Variants in PCCB observed in about 807,000 individuals in gnomAD.
PCCB encodes propionyl-CoA carboxylase subunit beta.
In PCCB, 43 loss-of-function variants were observed where a neutral mutation model predicts 60.7. The observed-to-expected ratio is 0.71, with a 90% CI of 0.55 to 0.91. The LOEUF (loss-of-function observed/expected upper bound fraction) is 0.91. Among genes scored for constraint, PCCB ranks in the 40% least tolerant of loss-of-function variants. The pLI is 0.00. For synonymous variants in PCCB, 276 were observed against 255.9 expected (o/e 1.08, Z -0.75); for missense variants, 766 against 702.8 (o/e 1.09, Z -1.02).
chr3:136,302,593 T>A (rs1412634108), intron 9 of PCCB, among the ~76,000 whole-genome samples: 3 of 118,940 alleles, frequency 2.5e-5, no homozygotes, highest in African/African-American at 7.6e-5. Flanking sequence ...CTTTAAGTTT[T>A]AGGGTACATG....
At chr3:136,285,649 A>G (rs1025487338) in intron 6 of PCCB, among the ~76,000 whole-genome samples, 1 of 151,832 alleles carries the variant, frequency 6.6e-6, no homozygotes, top group African/African-American at 2.4e-5. Context: ...GGCTTCCATT[A>G]TACCATACTC....
rs762354873 is a variant in PCCB, at chr3:136,283,886, G to A, written c.593G>A (p.Gly198Asp). ...GVIPQISLIM[G>D]PCAGGAVYSP... ...ATCCCTCAGATTTCTCTGATCATGGGCCCATGTGCTGGTGGGGCCGTCTAC... is the reference window on the plus strand; with the variant it reads ...ATCCCTCAGATTTCTCTGATCATGGACCCATGTGCTGGTGGGGCCGTCTAC... Residue 198 changes from glycine to aspartate, a missense_variant, in exon 6 of 15, where the codon GGC (glycine) becomes GAC (aspartate). Gly to Asp is a moderately conservative substitution (Grantham distance 94, BLOSUM62 -1). Transcript: ENST00000251654. 6.2e-7 allele frequency: 1 copy of A among 1,613,908 alleles called. No homozygotes were observed. Among genetic ancestry groups the A allele is most frequent in the Non-Finnish European group, 8.5e-7 (1 of 1,179,838 alleles).
chr3:136,253,585 A>G lies in PCCB; in HGVS notation c.184-2271A>G, dbSNP rs147219472. Among the ~76,000 whole-genome samples, 102 of 150,676 alleles carry G rather than the reference A, an allele frequency of 6.8e-4. No individual in the cohort carries two copies. In the East Asian group the frequency reaches 0.019, roughly 28 times the overall value. On this transcript the variant is annotated intron_variant, in intron 1 of 14. Transcript: ENST00000251654. ...TTTTTAGTAGAGACGGGGTTTCACCATGTTGAGCAGGCTGGTCTCTAACTT... is the reference window on the plus strand; with the variant it reads ...TTTTTAGTAGAGACGGGGTTTCACCGTGTTGAGCAGGCTGGTCTCTAACTT...
chr3:136,324,576 A>G (rs937361727), intron 10 of PCCB, among the ~76,000 whole-genome samples: 2 of 151,882 alleles, frequency 1.3e-5, no homozygotes, highest in Admixed American at 6.6e-5. Context: ...TGAATGCACT[A>G]ATTTCCTAAA....
intron 5 of PCCB, among the ~76,000 whole-genome samples, chr3:136,280,181 G>A (rs1942439897): frequency 6.6e-6 from 1 of 151,994 alleles, no homozygotes; most frequent in African/African-American, 2.4e-5. Context: ...ATATCCTTTT[G>A]TTTCAGACTA....
rs71157366 is a variant in PCCB, at chr3:136,264,448, G to GTA, written c.543+2395_543+2396dup. ...CATATATATGTGTGTGTGTATATAT[G>GTA]TATATATATATATGTTCCTCCTGGC... On this transcript the variant is annotated intron_variant, in intron 5 of 14. Transcript: ENST00000251654. 8.0e-3 allele frequency among the ~76,000 whole-genome samples: 863 copies of GTA among 107,274 alleles called. 44 individuals carry two copies. Among genetic ancestry groups the GTA allele is most frequent in the African/African-American group, 0.023 (776 of 33,226 alleles). 70.4% of individuals were successfully genotyped at this position (107,274 alleles called of 152,430 possible).
rs1049840486 is a variant in PCCB at position 136,302,372 on chromosome 3, A to G, written c.966+1261A>G. ...TCCATCAGACAGATTCTGCCAGGCA[A>G]TTGTTGCCTGGGTGGGGAGACAGAT... On this transcript the variant is annotated intron_variant, in intron 9 of 14. Coordinates refer to ENST00000251654, the MANE Select transcript of PCCB (RefSeq NM_000532.5). 6.6e-5 allele frequency among the ~76,000 whole-genome samples: 8 copies of G among 120,678 alleles called. 1 individual carries two copies. The highest frequency in any genetic ancestry group is 1.8e-5 in the Non-Finnish European group (1 of 54,188). 79.2% of individuals were successfully genotyped at this position (120,678 alleles called of 152,430 possible).
chr3:136,259,813 A>T (rs113629197), intron 3 of PCCB, among the ~76,000 whole-genome samples: 1,747 of 152,040 alleles, frequency 0.011, 31 homozygotes, highest in East Asian at 0.045. Context: ...AGTGCACTGG[A>T]GCAATCTCTG....
At chr3:136,255,062 G>T (rs997444326) in intron 1 of PCCB, among the ~76,000 whole-genome samples, 9 of 151,880 alleles carry the variant, frequency 5.9e-5, no homozygotes, top group Admixed American at 1.3e-4. Context: ...CTTTAATAGA[G>T]ATGGGGTTTC....
chr3:136,250,452 G>C lies in PCCB; in HGVS notation c.77G>C (p.Arg26Pro). Residue 26 changes from arginine (R) to proline (P), a missense_variant, in exon 1 of 15, where the codon CGC becomes CCC. Coordinates refer to ENST00000251654, the MANE Select transcript of PCCB (RefSeq NM_000532.5). ...VLASGLRAAV[R>P]SLCSQATSVN... is the part of the protein sequence containing the mutation. ...GCGAGCGGTCTCCGCGCCGCGGTCC[G>C]CAGCCTTTGCAGCCAGGCCACCTCT... 1 of 1,605,602 alleles carries C rather than the reference G, an allele frequency of 6.2e-7. No individual in the cohort carries two copies. Among genetic ancestry groups the C allele is most frequent in the Non-Finnish European group, 8.5e-7 (1 of 1,176,252 alleles).
chr3:136,294,139 T>C (rs1213304824), intron 7 of PCCB, among the ~76,000 whole-genome samples: 1 of 152,172 alleles, frequency 6.6e-6, no homozygotes, highest in East Asian at 1.9e-4. Flanking sequence ...ATGGTGATTA[T>C]AAGTAGGTAT....
At position 136,316,450 on chromosome 3, in the gene PCCB, G is replaced by A. The variant is rs557305352; in HGVS notation, c.967-491G>A. ...CTGCCTCAGTCTCCTGAGTAGCTGGGATTACAGGTGCCTGCCACCACACCA... is the reference window on the plus strand; with the variant it reads ...CTGCCTCAGTCTCCTGAGTAGCTGGAATTACAGGTGCCTGCCACCACACCA... On this transcript the variant is annotated intron_variant, in intron 9 of 14. Coordinates refer to ENST00000251654, the MANE Select transcript of PCCB (RefSeq NM_000532.5). Among the ~76,000 whole-genome samples the A allele has an allele frequency of 2.6e-5, 4 of 152,064 alleles. No homozygotes were observed. In the East Asian group the frequency reaches 7.7e-4, roughly 29 times the overall value.
At chr3:136,290,918 T>C (rs1402447704) in intron 6 of PCCB, among the ~76,000 whole-genome samples, 1 of 152,056 alleles carries the variant, frequency 6.6e-6, no homozygotes, top group Non-Finnish European at 1.5e-5. Context: ...TTCTCTTCGC[T>C]TTTCAATTTG....
chr3:136,301,264 G>A (rs1016030590), intron 9 of PCCB, among the ~76,000 whole-genome samples, 153 bp downstream of exon 9: 2 of 152,320 alleles, frequency 1.3e-5, no homozygotes, highest in Middle Eastern at 3.4e-3. Flanking sequence ...TGGCCACTGA[G>A]TAGTGTGTTC....
At chr3:136,284,758 G>A (rs1278643717) in intron 6 of PCCB, among the ~76,000 whole-genome samples, 1 of 152,130 alleles carries the variant, frequency 6.6e-6, no homozygotes. Flanking sequence ...CGAAAGTAGT[G>A]TAAGTGTTCA....
Position 136,250,536 on chromosome 3 carries a change from G to A in PCCB, c.161G>A (p.Arg54His), listed in dbSNP as rs1328595594. The A allele has an allele frequency of 1.2e-6, 2 of 1,612,594 alleles. No individual in the cohort carries two copies. The highest frequency in any genetic ancestry group is 2.7e-5 in the African/African-American group (2 of 75,048). The part of the protein sequence containing the change: ...RTALLGGGQR[R>H]IDAQHKRGKL... ...GCGCTGCTGGGAGGGGGCCAACGCC[G>A]TATTGACGCGCAGCACAAGCGAGTG... The change falls in exon 1 of 15, where the codon CGT becomes CAT. Residue 54 changes from arginine (R) to histidine (H), a missense_variant. Transcript: ENST00000251654.
At chr3:136,288,983 G>T (rs1933551569) in intron 6 of PCCB, among the ~76,000 whole-genome samples, 1 of 151,582 alleles carries the variant, frequency 6.6e-6, no homozygotes, top group Non-Finnish European at 1.5e-5. Flanking sequence ...TTTTATTTTT[G>T]TAGAGACAGG....
At chr3:136,318,605 A>C (rs1008767157) in intron 10 of PCCB, among the ~76,000 whole-genome samples, 2 of 152,144 alleles carry the variant, frequency 1.3e-5, no homozygotes, top group African/African-American at 2.4e-5. Flanking sequence ...TTCTCTCTCT[A>C]TGAATTTGCC....
intron 9 of PCCB, among the ~76,000 whole-genome samples, chr3:136,309,744 G>A (rs1034349777): frequency 1.3e-5 from 2 of 151,964 alleles, no homozygotes; most frequent in African/African-American, 2.4e-5. Flanking sequence ...CAAGGCTGTA[G>A]TGAGCTGTGA....
Sources: gnomAD v4.1 joint callset for allele counts (sites outside exome capture counted in the v4.1 genomes callset) on GRCh38, gnomAD v4.1.1 for gene constraint, MANE v1.5 for transcripts, NCBI Gene and HGNC (gene_info 2026-07-23, HGNC 2026-07-21) for gene names.